MAGI1: variants seen among roughly 807,000 people sequenced by gnomAD.
MAGI1 encodes the protein membrane associated guanylate kinase, WW and PDZ domain containing 1.
MAGI1 carries 58 observed loss-of-function variants against 139.9 expected under a neutral mutation model. The observed-to-expected ratio is 0.41, with a 90% confidence interval of 0.34 to 0.52. The LOEUF is 0.52. Ranked by LOEUF, MAGI1 falls within the 20% of genes least tolerant of loss-of-function variation. The pLI is 0.12. For missense variants in MAGI1, 1,874 were observed against 1,901.6 expected, an observed-to-expected ratio of 0.99 and a Z score of 0.27; for synonymous variants, 812 against 737.9, an observed-to-expected ratio of 1.10 and a Z score of -1.63.
chr3:65,938,600 A>G (rs1375706275), intron 1 of MAGI1, among the ~76,000 whole-genome samples: 8 of 152,026 alleles, frequency 5.3e-5, no homozygotes, highest in Non-Finnish European at 1.2e-4. Context: ...GAGACAGGAC[A>G]ATTTAAAGCC....
At chr3:65,819,140 G>A (rs2041789839) in intron 1 of MAGI1, among the ~76,000 whole-genome samples, 1 of 151,946 alleles carries the variant, frequency 6.6e-6, no homozygotes, top group Admixed American at 6.6e-5. Flanking sequence ...CAAAATTAGC[G>A]GGGTGTGTTG....
In MAGI1 at chr3:65,776,036, GTACT is replaced by G. The variant is rs939443247; in HGVS notation, c.314-153952_314-153949del. The stretch of plus-strand genomic sequence containing the variant: ...AACAAACATTTTTGCCATAAATCCC[GTACT>G]TACTTAGTGTGCCCCAAATCTAGTC... On this transcript the variant is annotated intron_variant, in intron 1 of 22. Transcript: ENST00000402939. Among the ~76,000 whole-genome samples the G allele has an allele frequency of 2.6e-5, 4 of 151,398 alleles. 1 individual carries two copies. The South Asian group carries it at 6.3e-4, about 24-fold the overall frequency.
At chr3:65,703,150 G>A (rs962862836) in intron 1 of MAGI1, among the ~76,000 whole-genome samples, 2 of 152,098 alleles carry the variant, frequency 1.3e-5, no homozygotes, top group African/African-American at 4.8e-5. Context: ...TTTGGCAGGG[G>A]GTGGCTGGCT....
chr3:65,734,303 T>G (rs1206810940), intron 1 of MAGI1, among the ~76,000 whole-genome samples: 1 of 151,176 alleles, frequency 6.6e-6, no homozygotes, highest in Non-Finnish European at 1.5e-5. Context: ...CTACAAAAAT[T>G]TAAAGACTTG....
At chr3:65,939,116 TAA>T (rs1489323982) in intron 1 of MAGI1, among the ~76,000 whole-genome samples, 4 of 152,174 alleles carry the variant, frequency 2.6e-5, no homozygotes, top group African/African-American at 7.2e-5. Context: ...TACTTTGAAC[TAA>T]CATGGATTAT....
At chr3:65,547,196 G>A (rs2079546442) in intron 2 of MAGI1, among the ~76,000 whole-genome samples, 1 of 152,178 alleles carries the variant, frequency 6.6e-6, no homozygotes, top group African/African-American at 2.4e-5. Context: ...CATCTCTTAT[G>A]CAAAATAACT....
intron 2 of MAGI1, among the ~76,000 whole-genome samples, chr3:65,596,739 C>T (rs1327802549): frequency 2.0e-5 from 3 of 152,170 alleles, no homozygotes; most frequent in African/African-American, 7.2e-5. Flanking sequence ...CCCAGCCTTC[C>T]GGGTTTGGCC....
chr3:65,474,476 G>C (rs1950742840), intron 4 of MAGI1, among the ~76,000 whole-genome samples: 1 of 152,166 alleles, frequency 6.6e-6, no homozygotes, highest in African/African-American at 2.4e-5. Context: ...GCAAAACTGG[G>C]AAGTTAATAT....
intron 1 of MAGI1, among the ~76,000 whole-genome samples, chr3:65,944,873 T>C (rs1232449459): frequency 1.3e-5 from 2 of 152,224 alleles, no homozygotes; most frequent in Non-Finnish European, 2.9e-5. Flanking sequence ...GTGTCAATTT[T>C]GTCCGACAGC....
At position 65,430,772 on chromosome 3, in the gene MAGI1, T is replaced by C. The variant is rs1302675178; in HGVS notation, c.1473A>G (p.Glu491=). Residue 491 remains glutamate, a synonymous_variant, in exon 11 of 23, where the codon GAA becomes GAG. Transcript: ENST00000402939. ...TCTTGATCTGGAGAAACTCATCAGGTTCATCCCCTCCAACCACCGTGAAGC... is the reference window on the plus strand; with the variant it reads ...TCTTGATCTGGAGAAACTCATCAGGCTCATCCCCTCCAACCACCGTGAAGC... ...GFGFTVVGGD[E]PDEFLQIKSL... is the part of the protein sequence containing the mutation. 4 of 1,613,428 alleles carry C rather than the reference T, an allele frequency of 2.5e-6. No individual in the cohort carries two copies. The Admixed American group carries it at 5.0e-5, about 20-fold the overall frequency.
chr3:65,820,052 C>T (rs1279792747), intron 1 of MAGI1, among the ~76,000 whole-genome samples: 1 of 151,586 alleles, frequency 6.6e-6, no homozygotes, highest in Non-Finnish European at 1.5e-5. Flanking sequence ...GGATGTTGTC[C>T]CAGCATTTTA....
intron 1 of MAGI1, among the ~76,000 whole-genome samples, chr3:66,024,461 C>T (rs926460464): frequency 6.6e-6 from 1 of 151,254 alleles, no homozygotes; most frequent in Non-Finnish European, 1.5e-5. Flanking sequence ...ACAGAATAAG[C>T]CCTTCCAGGT....
chr3:65,558,309 A>T (rs532092908), intron 2 of MAGI1, among the ~76,000 whole-genome samples: 37 of 152,236 alleles, frequency 2.4e-4, no homozygotes, highest in African/African-American at 8.4e-4. Context: ...TACTATGACT[A>T]TTGGTTGCAA....
chr3:65,925,505 G>C (rs1172790741), intron 1 of MAGI1, among the ~76,000 whole-genome samples: 1 of 151,966 alleles, frequency 6.6e-6, no homozygotes, highest in African/African-American at 2.4e-5. Context: ...AAAAACAACA[G>C]GAACTTTGTT....
At chr3:65,470,089 T>C in intron 5 of MAGI1, 194 bp downstream of exon 5, 1 of 486,840 alleles carries the variant, frequency 2.1e-6, no homozygotes, top group Non-Finnish European at 3.6e-6. Context: ...TTATGCTTCC[T>C]CAAACTGTTG....
At chr3:65,424,237 A>G (rs1575693567) in intron 12 of MAGI1, among the ~76,000 whole-genome samples, 1 of 152,260 alleles carries the variant, frequency 6.6e-6, no homozygotes, top group African/African-American at 2.4e-5. Context: ...TTCTTATCTA[A>G]GTTTTGCCTT....
At chr3:65,649,072 C>G (rs77030707) in intron 1 of MAGI1, among the ~76,000 whole-genome samples, 17,376 of 152,102 alleles carry the variant, frequency 0.11, 1,147 homozygotes, top group Middle Eastern at 0.18. Flanking sequence ...GCATGGTAGA[C>G]TTAAATATAA....
chr3:66,006,625 G>A (rs2067027632), intron 1 of MAGI1, among the ~76,000 whole-genome samples: 3 of 152,050 alleles, frequency 2.0e-5, no homozygotes, highest in Admixed American at 6.6e-5. Context: ...TCATCCTATG[G>A]TACCAGAACT....
chr3:65,701,925 T>C (rs952427246), intron 1 of MAGI1, among the ~76,000 whole-genome samples: 10 of 152,212 alleles, frequency 6.6e-5, no homozygotes, highest in Non-Finnish European at 1.5e-4. Flanking sequence ...TTTTAGCTTA[T>C]CAAGCGCTAT....
Sources: allele counts gnomAD v4.1 joint callset (sites outside exome capture counted in the v4.1 genomes callset), GRCh38; gene constraint gnomAD v4.1.1; transcripts MANE v1.5; gene names NCBI Gene and HGNC (gene_info 2026-07-23, HGNC 2026-07-21).